Variants in TEX26 observed in about 807,000 individuals in gnomAD.
TEX26 encodes testis-expressed protein 26.
Under a neutral mutation model 35.3 loss-of-function variants are expected in TEX26, and 34 were observed. That is an observed-to-expected ratio of 0.96 (90% confidence interval 0.73 to 1.28). The LOEUF is 1.28. Among genes scored for constraint, TEX26 ranks in the 50% most tolerant of loss-of-function variants. The probability of loss-of-function intolerance (pLI) is 0.00; values close to 1 mark genes in which losing one functional copy is unlikely to be tolerated. For synonymous variants in TEX26, 136 were observed against 111.8 expected (o/e 1.22, Z -1.36); for missense variants, 371 against 330.1 (o/e 1.12, Z -0.96).
At chr13:30,965,402 A>T (rs923262358) in intron 4 of TEX26, among the ~76,000 whole-genome samples, 2 of 152,204 alleles carry the variant, frequency 1.3e-5, no homozygotes, top group East Asian at 3.8e-4. Flanking sequence ...AAGAGAGTTG[A>T]GTTCAGTGTC....
chr13:30,952,889 G>A, intron 3 of TEX26, 64 bp downstream of exon 3: 1 of 1,404,198 alleles, frequency 7.1e-7, no homozygotes, highest in Non-Finnish European at 9.8e-7. Context: ...TCATAAGAAT[G>A]AGAGTTTAAA....
chr13:30,959,086 C>A (rs897374472), intron 4 of TEX26, among the ~76,000 whole-genome samples: 1 of 152,152 alleles, frequency 6.6e-6, no homozygotes, highest in African/African-American at 2.4e-5. Flanking sequence ...ATTAGAACTA[C>A]CTCCTTCCCA....
intron 2 of TEX26, among the ~76,000 whole-genome samples, chr13:30,947,370 C>CAT (rs1049506508): frequency 8.6e-5 from 13 of 151,774 alleles, no homozygotes; most frequent in Non-Finnish European, 1.9e-4. Context: ...AAACTTTGTT[C>CAT]ATATATATAT....
At chr13:30,942,378 T>C (rs1953545844) in intron 2 of TEX26, among the ~76,000 whole-genome samples, 1 of 152,174 alleles carries the variant, frequency 6.6e-6, no homozygotes, top group Non-Finnish European at 1.5e-5. Context: ...ATTTTTTTCT[T>C]GGTGATTTCT....
At chr13:30,969,086 T>A in intron 6 of TEX26, 40 bp downstream of exon 6, 1 of 1,537,962 alleles carries the variant, frequency 6.5e-7, no homozygotes, top group Non-Finnish European at 8.8e-7. Context: ...CAGATCACAA[T>A]ACATTGCTTT....
chr13:30,932,990 C>T (rs1438651883), intron 1 of TEX26: 6 of 483,466 alleles, frequency 1.2e-5, no homozygotes, highest in Admixed American at 3.3e-5. Context: ...GCCAAATCCC[C>T]GCTCCCTAAA....
intron 5 of TEX26, among the ~76,000 whole-genome samples, chr13:30,966,765 C>A (rs1277159225): frequency 6.6e-6 from 1 of 152,132 alleles, no homozygotes; most frequent in South Asian, 2.1e-4. Context: ...TCTAAAACAA[C>A]CTCATAGATC....
rs539569308 is a variant in TEX26 at position 30,965,731 on chromosome 13, G to GT, written c.470-481dup. Among the ~76,000 whole-genome samples the GT allele has an allele frequency of 2.0e-3, 300 of 149,150 alleles. 1 individual carries two copies. Among genetic ancestry groups the GT allele is most frequent in the Middle Eastern group, 3.5e-3 (1 of 288 alleles). On this transcript the variant is annotated intron_variant, in intron 4 of 6. Coordinates refer to ENST00000380473, the MANE Select transcript of TEX26 (RefSeq NM_152325.3). ...CATCAGTAAGGGATAAGCTTCGAGT[G>GT]TTTTTTTTTTCCAGGTAATAGGGAT...
rs755506986 is a variant in TEX26, at chr13:30,952,738, G to A, written c.225G>A (p.Glu75=). 1.2e-6 allele frequency: 2 copies of A among 1,612,536 alleles called. No individual in the cohort carries two copies. The highest frequency in any genetic ancestry group is 1.7e-6 in the Non-Finnish European group (2 of 1,179,116). The change falls in exon 3 of 7, where the codon GAG becomes GAA. Residue 75 remains glutamate, a synonymous_variant. Transcript: ENST00000380473. ...TCAATCAGACACAATATAGTGATGA[G>A]TACACTTGGAAATCACACTCTAAAG... The part of the protein sequence containing the change: ...PILNQTQYSD[E]YTWKSHSKED...
At chr13:30,949,325 T>A (rs1953836724) in intron 2 of TEX26, among the ~76,000 whole-genome samples, 1 of 152,178 alleles carries the variant, frequency 6.6e-6, no homozygotes, top group Admixed American at 6.5e-5. Context: ...TTGAATATAT[T>A]TTTATCAAAA....
intron 2 of TEX26, among the ~76,000 whole-genome samples, chr13:30,952,164 T>C (rs1243881192): frequency 6.6e-6 from 1 of 152,038 alleles, no homozygotes; most frequent in Non-Finnish European, 1.5e-5. Context: ...TAAGTGATGA[T>C]GCATGTATTC....
chr13:30,970,978 G>A (rs950488620), intron 6 of TEX26, among the ~76,000 whole-genome samples: 1 of 152,212 alleles, frequency 6.6e-6, no homozygotes, highest in Non-Finnish European at 1.5e-5. Context: ...TAGCTCTTCT[G>A]CTTTCCTGGT....
intron 5 of TEX26, 95 bp from the exon 6 acceptor site, chr13:30,968,790 T>C (rs1954622287): frequency 2.5e-6 from 3 of 1,184,186 alleles, no homozygotes; most frequent in Non-Finnish European, 3.6e-6. Flanking sequence ...AAAGCTGGGC[T>C]GGGGGCTGTC....
At chr13:30,963,242 C>A (rs958494410) in intron 4 of TEX26, among the ~76,000 whole-genome samples, 1 of 152,100 alleles carries the variant, frequency 6.6e-6, no homozygotes, top group Non-Finnish European at 1.5e-5. Context: ...CTAAACCATT[C>A]CAGTTTTACT....
At chr13:30,955,891 TG>T (rs1210927647) in intron 3 of TEX26, among the ~76,000 whole-genome samples, 1 of 152,018 alleles carries the variant, frequency 6.6e-6, no homozygotes, top group African/African-American at 2.4e-5. Flanking sequence ...TGGTGGGCTG[TG>T]GAGGTTATTT....
At chr13:30,932,806 G>A in intron 1 of TEX26, 30 bp downstream of exon 1, 1 of 1,608,160 alleles carries the variant, frequency 6.2e-7, no homozygotes. Flanking sequence ...CGGTCTGCGG[G>A]GCGGGGCTGG....
At chr13:30,933,963 A>G (rs1026127682) in intron 1 of TEX26, 5 of 152,298 alleles carry the variant, frequency 3.3e-5, no homozygotes, top group African/African-American at 1.2e-4. Flanking sequence ...TCTAACCTTT[A>G]TCTCTGACTT....
At chr13:30,938,843 C>A in intron 1 of TEX26, among the ~76,000 whole-genome samples, 1 of 152,184 alleles carries the variant, frequency 6.6e-6, no homozygotes, top group Admixed American at 6.5e-5. Flanking sequence ...CTGGCTCCTC[C>A]TTCTCTCTCC....
intron 2 of TEX26, among the ~76,000 whole-genome samples, chr13:30,940,414 A>G (rs930589141): frequency 1.5e-5 from 2 of 137,734 alleles, no homozygotes; most frequent in African/African-American, 5.5e-5. Flanking sequence ...GCTCACTGCA[A>G]GCTCCGCCCC....
Sources: gnomAD v4.1 joint callset for allele counts (sites outside exome capture counted in the v4.1 genomes callset) on GRCh38, gnomAD v4.1.1 for gene constraint, MANE v1.5 for transcripts, NCBI Gene and HGNC (gene_info 2026-07-23, HGNC 2026-07-21) for gene names.